The following ARHGEF10 variants were observed in gnomAD, a reference collection of about 807,000 sequenced individuals.
ARHGEF10 encodes Rho guanine nucleotide exchange factor (GEF) 10.
A neutral mutation model predicts 147.4 loss-of-function variants in ARHGEF10; 140 were observed. The ratio of observed to expected loss-of-function variants is 0.95; its 90% CI spans 0.83 to 1.09. The LOEUF (loss-of-function observed/expected upper bound fraction) is 1.09. Among genes scored for constraint, ARHGEF10 ranks in the 50% least tolerant of loss-of-function variants. The probability of loss-of-function intolerance (pLI) is 0.00; values close to 1 mark genes in which losing one functional copy is unlikely to be tolerated. For synonymous variants in ARHGEF10, 902 were observed against 695.8 expected (o/e 1.30, Z -4.67); for missense variants, 2,222 against 1,752.7 (o/e 1.27, Z -4.78).
intron 22 of ARHGEF10, among the ~76,000 whole-genome samples, chr8:1,925,888 A>G (rs7386034): frequency 0.91 from 138,040 of 152,266 alleles, 62,678 homozygotes; most frequent in East Asian, 1. Flanking sequence ...CTTCAGTGAC[A>G]CTGACAATGT....
intron 8 of ARHGEF10, among the ~76,000 whole-genome samples, chr8:1,876,938 A>G (rs1366794267): frequency 1.3e-5 from 2 of 152,262 alleles, no homozygotes; most frequent in African/African-American, 2.4e-5. Flanking sequence ...AGATGGAGAA[A>G]TTAAGCTTCT....
At chr8:1,943,761 A>G (rs1318526496) in intron 26 of ARHGEF10, 1 of 152,232 alleles carries the variant, frequency 6.6e-6, no homozygotes, top group African/African-American at 2.4e-5. Context: ...TCAACTTGTG[A>G]TTATTGAAGA....
rs1223085468 is a variant in ARHGEF10 at position 1,956,179 on chromosome 8, C to A, written c.3521-570C>A. On this transcript the variant is annotated intron_variant, in intron 28 of 28. Transcript: ENST00000349830. ...GGGGCTGTGTGTGGCTTTAAGAAGACCTGCAGGTGTTTCTGATACGATCGT... is the reference window on the plus strand; with the variant it reads ...GGGGCTGTGTGTGGCTTTAAGAAGAACTGCAGGTGTTTCTGATACGATCGT... 2.0e-5 allele frequency among the ~76,000 whole-genome samples: 3 copies of A among 152,180 alleles called. No homozygotes were observed. The East Asian group carries it at 5.8e-4, about 29-fold the overall frequency.
chr8:1,958,055 T>C lies in ARHGEF10; in HGVS notation c.*792T>C, dbSNP rs1426729440. 6.6e-6 allele frequency: 1 copy of C among 152,224 alleles called. No individual in the cohort carries two copies. Among genetic ancestry groups the C allele is most frequent in the Non-Finnish European group, 1.5e-5 (1 of 68,044 alleles). The allele number at this position is 152,224 out of a possible 1,614,324, so 9.4% of individuals were successfully genotyped here. ...CCTTCTCGTATAAATAGAGTGACTA[T>C]CCACAGGAGAAAAGTGTGTGCTTTA... On this transcript the variant is annotated 3_prime_UTR_variant, in exon 29 of 29. Coordinates refer to ENST00000349830, the MANE Select transcript of ARHGEF10 (RefSeq NM_014629.4).
intron 2 of ARHGEF10, among the ~76,000 whole-genome samples, chr8:1,844,406 C>T (rs113510665): frequency 1.5e-3 from 197 of 132,512 alleles, no homozygotes; most frequent in African/African-American, 3.6e-3. Flanking sequence ...ATGACAGAGA[C>T]GGGAGAATCC....
Position 1,843,444 on chromosome 8 carries a change from C to T in ARHGEF10, c.37+8C>T. 3.1e-6 allele frequency: 5 copies of T among 1,610,374 alleles called. No individual in the cohort carries two copies. Among genetic ancestry groups the T allele is most frequent in the Non-Finnish European group, 4.2e-6 (5 of 1,177,684 alleles). ...TGCCTCCCGCTCCTGCAGGTAACAG[C>T]ACTCAGTAGGTGGGCCTGTGGGTCA... On this transcript the variant is annotated splice_region_variant and intron_variant, in intron 2 of 28. Transcript: ENST00000349830.
rs541403003 is a variant in ARHGEF10, at chr8:1,869,888, A to C, written c.679+638A>C. On this transcript the variant is annotated intron_variant, in intron 7 of 28. Transcript: ENST00000349830. ...TTTAACCTGAGCGGCCACGTCCAGC[A>C]AAGTACAGTCCTTTAGAAAGGGCGA... The C allele has an allele frequency of 5.9e-4, 97 of 163,064 alleles. 2 individuals are homozygous for C. The highest frequency in any genetic ancestry group is 3.3e-3 in the Middle Eastern group (1 of 304). 10.1% of individuals were successfully genotyped at this position (163,064 alleles called of 1,614,324 possible).
chr8:1,833,020 GCAGAGACAGGCAGAGAGAGA>G (rs1803309752), intron 1 of ARHGEF10, among the ~76,000 whole-genome samples: 2 of 14,288 alleles, frequency 1.4e-4, no homozygotes, highest in Non-Finnish European at 2.7e-4. Context: ...AGAGACAGAG[GCAGAGACAGGCAGAGAGAGA>G]CAGAGACAGA....
intron 1 of ARHGEF10, among the ~76,000 whole-genome samples, chr8:1,841,176 C>A (rs189637473): frequency 1.4e-3 from 210 of 152,236 alleles, no homozygotes; most frequent in Non-Finnish European, 3.8e-4. Context: ...AGTCTCCCAA[C>A]CAGTGGTTTC....
chr8:1,892,289 G>C (rs1431426345), intron 11 of ARHGEF10, among the ~76,000 whole-genome samples: 1 of 147,736 alleles, frequency 6.8e-6, no homozygotes, highest in Non-Finnish European at 1.5e-5. Context: ...GTGTGTGTGT[G>C]TGTGTGTGTG....
chr8:1,903,478 T>C (rs370889915), intron 16 of ARHGEF10, 27 bp downstream of exon 16: 400 of 1,612,960 alleles, frequency 2.5e-4, no homozygotes, highest in Non-Finnish European at 3.3e-4. Context: ...TTCAACTCTA[T>C]TCCAAAATTA....
At chr8:1,859,063 G>T (rs1220251149) in intron 3 of ARHGEF10, among the ~76,000 whole-genome samples, 2 of 146,462 alleles carry the variant, frequency 1.4e-5, no homozygotes, top group African/African-American at 5.1e-5. Context: ...CCTGCCTCTT[G>T]GTTGTTTGCA....
intron 1 of ARHGEF10, among the ~76,000 whole-genome samples, chr8:1,824,342 G>A (rs1044613907): frequency 3.3e-5 from 5 of 151,968 alleles, no homozygotes; most frequent in Non-Finnish European, 5.9e-5. Context: ...GGGCCTGGGC[G>A]GGGGGAGCAG....
chr8:1,882,963 A>AGAGAATCATT (rs967463539), intron 10 of ARHGEF10, among the ~76,000 whole-genome samples: 3 of 152,230 alleles, frequency 2.0e-5, no homozygotes, highest in South Asian at 2.1e-4. Flanking sequence ...ACCCAGCAGC[A>AGAGAATCATT]GAGAATCATT....
chr8:1,841,892 G>C (rs1291077521), intron 1 of ARHGEF10, among the ~76,000 whole-genome samples: 220 of 96,444 alleles, frequency 2.3e-3, no homozygotes, highest in African/African-American at 4.0e-3. Flanking sequence ...GGGCCGCGGC[G>C]GGAACTGGGG....
chr8:1,876,602 G>C lies in ARHGEF10; in HGVS notation c.711G>C (p.Gly237=), dbSNP rs565441999. 86 of 1,614,218 alleles carry C rather than the reference G, an allele frequency of 5.3e-5. No individual in the cohort carries two copies. The South Asian group carries it at 9.0e-4, about 17-fold the overall frequency. Residue 237 remains glycine (G), a synonymous_variant, in exon 8 of 29, where the codon GGG becomes GGC. Transcript: ENST00000349830. ...TGATTTATGATGATGTTGAGAATGG[G>C]GATGAAGGTGGAAACAGCTCCTTGG... ...DEMIYDDVEN[G]DEGGNSSLEY...
chr8:1,921,739 AAAAAAG>A (rs1454540627), intron 18 of ARHGEF10, among the ~76,000 whole-genome samples: 1 of 151,392 alleles, frequency 6.6e-6, no homozygotes, highest in East Asian at 1.9e-4. Context: ...TCGTCTCAAA[AAAAAAG>A]AAAAAAGAAA....
intron 27 of ARHGEF10, among the ~76,000 whole-genome samples, chr8:1,947,834 C>T (rs1814720568): frequency 6.8e-6 from 1 of 146,534 alleles, no homozygotes; most frequent in Non-Finnish European, 1.5e-5. Context: ...TCCTGTATGG[C>T]AGGTTCTTGA....
chr8:1,914,600 T>C lies in ARHGEF10; in HGVS notation c.2143+5130T>C, dbSNP rs955848874. On this transcript the variant is annotated intron_variant, in intron 18 of 28. Coordinates refer to ENST00000349830, the MANE Select transcript of ARHGEF10 (RefSeq NM_014629.4). Reference sequence around the variant, plus strand: ...GGACAGGCACAGCGGAAGCCCACCATGGCAAAGCTGTCGTGTTTTGAAATA... The same window carrying C: ...GGACAGGCACAGCGGAAGCCCACCACGGCAAAGCTGTCGTGTTTTGAAATA... 3.3e-5 allele frequency among the ~76,000 whole-genome samples: 5 copies of C among 152,212 alleles called. No homozygotes were observed. In the East Asian group the frequency reaches 9.6e-4, roughly 29 times the overall value.
Sources: gnomAD v4.1 joint callset for allele counts (sites outside exome capture counted in the v4.1 genomes callset) on GRCh38, gnomAD v4.1.1 for gene constraint, MANE v1.5 for transcripts, NCBI Gene and HGNC (gene_info 2026-07-23, HGNC 2026-07-21) for gene names.